The following GLB1L2 variants were observed in gnomAD, a reference collection of about 807,000 sequenced individuals.
GLB1L2 encodes beta-galactosidase-1-like protein 2.
GLB1L2 carries 68 observed loss-of-function variants against 84.1 expected under a neutral mutation model. The observed-to-expected ratio is 0.81, with a 90% CI of 0.67 to 0.99. The LOEUF is 0.99. GLB1L2 is among the 50% of genes least tolerant of loss of function. GLB1L2 has a pLI of 0.00. For synonymous variants in GLB1L2, 290 were observed against 318.0 expected (o/e 0.91, Z 0.94); for missense variants, 762 against 805.6 (o/e 0.95, Z 0.66).
At chr11:134,371,251 A>G (rs1240849229) in intron 13 of GLB1L2, 103 bp downstream of exon 13, 1 of 1,444,024 alleles carries the variant, frequency 6.9e-7, no homozygotes, top group South Asian at 1.2e-5. Context: ...GTGTGTGACA[A>G]TGGCCCTTCT....
At chr11:134,365,370 G>A (rs1382534991) in intron 8 of GLB1L2, among the ~76,000 whole-genome samples, 1 of 152,202 alleles carries the variant, frequency 6.6e-6, no homozygotes, top group African/African-American at 2.4e-5. Flanking sequence ...TTCCTTTCTT[G>A]GCATTTCCTG....
At chr11:134,343,490 C>T (rs73028701) in intron 2 of GLB1L2, among the ~76,000 whole-genome samples, 3,934 of 152,218 alleles carry the variant, frequency 0.026, 62 homozygotes, top group Non-Finnish European at 0.038. Flanking sequence ...CATGGGTTTT[C>T]CCCCCAAATT....
intron 1 of GLB1L2, among the ~76,000 whole-genome samples, chr11:134,340,516 C>G (rs905441605): frequency 6.6e-6 from 1 of 152,108 alleles, no homozygotes; most frequent in African/African-American, 2.4e-5. Flanking sequence ...TGCTTTGGAG[C>G]AGGTGTGGCC....
At chr11:134,348,601 G>C (rs1449685612) in intron 5 of GLB1L2, among the ~76,000 whole-genome samples, 2 of 152,158 alleles carry the variant, frequency 1.3e-5, no homozygotes, top group African/African-American at 2.4e-5. Flanking sequence ...CTATGGGATA[G>C]TATACATAAC....
chr11:134,371,521 G>C (rs758670793), intron 14 of GLB1L2, 29 bp downstream of exon 14: 1 of 1,316,940 alleles, frequency 7.6e-7, no homozygotes. Flanking sequence ...CTGGGTGATG[G>C]CTAGCCCCCG....
rs116530548 is a variant in GLB1L2, at chr11:134,363,092, C to T, written c.734-1236C>T. On this transcript the variant is annotated intron_variant, in intron 7 of 18. Coordinates refer to ENST00000535456, the MANE Select transcript of GLB1L2 (RefSeq NM_001370461.1). ...TGCATCCTGCGGACTTTGAGTTCAG[C>T]CTGCTCAGTTTCAGACTGGCCTCCT... Among the ~76,000 whole-genome samples the T allele has an allele frequency of 3.7e-3, 567 of 152,264 alleles. 3 individuals are homozygous for T. The highest frequency in any genetic ancestry group is 0.013 in the African/African-American group (526 of 41,550).
rs934049457 is a variant in GLB1L2, at chr11:134,356,474, T to C, written c.651+81T>C. On this transcript the variant is annotated intron_variant, in intron 6 of 18. Transcript: ENST00000535456. ...GCTGTGGTGTGACATGTGGGTCTAA[T>C]ATTTTTCTCATATTAATACATCCTC... The C allele has an allele frequency of 1.7e-5, 16 of 936,446 alleles. No homozygotes were observed. In the South Asian group the frequency reaches 2.0e-4, roughly 12 times the overall value. The allele number at this position is 936,446 out of a possible 1,614,324, so 58.0% of individuals were successfully genotyped here.
At chr11:134,372,902 CTGT>C (rs1943976164) in intron 15 of GLB1L2, among the ~76,000 whole-genome samples, 2 of 152,226 alleles carry the variant, frequency 1.3e-5, no homozygotes, top group Non-Finnish European at 2.9e-5. Context: ...GTCCTCACTT[CTGT>C]TGTTCTCCTG....
chr11:134,371,326 C>G lies in GLB1L2; in HGVS notation c.1357-95C>G. On this transcript the variant is annotated intron_variant, in intron 13 of 18. Coordinates refer to ENST00000535456, the MANE Select transcript of GLB1L2 (RefSeq NM_001370461.1). ...CTCTGCCCACTGGCCCCTCGTCTGC[C>G]TACAGGCACGCGTGCTGCCCTTCTT... The G allele has an allele frequency of 3.4e-6, 4 of 1,184,422 alleles. No homozygotes were observed. In the South Asian group the frequency reaches 3.7e-5, roughly 11 times the overall value. The allele number at this position is 1,184,422 out of a possible 1,614,324, so 73.4% of individuals were successfully genotyped here. A position where few individuals can be genotyped will look rare whatever the true frequency, so the allele number is the denominator to read the frequency against.
chr11:134,363,721 G>C lies in GLB1L2; in HGVS notation c.734-607G>C, dbSNP rs542290000. Among the ~76,000 whole-genome samples, 3 of 152,146 alleles carry C rather than the reference G, an allele frequency of 2.0e-5. No homozygotes were observed. The South Asian group carries it at 6.2e-4, about 32-fold the overall frequency. ...CCAAGGAAGGATCAGGCTCTGGTTC[G>C]TACAAAAGAACAAGGAACAGAGTGC... On this transcript the variant is annotated intron_variant, in intron 7 of 18. Coordinates refer to ENST00000535456, the MANE Select transcript of GLB1L2 (RefSeq NM_001370461.1).
intron 2 of GLB1L2, among the ~76,000 whole-genome samples, chr11:134,343,754 C>T (rs999121730): frequency 3.9e-5 from 6 of 152,194 alleles, no homozygotes; most frequent in Non-Finnish European, 7.3e-5. Context: ...GCAGCACCGA[C>T]GACACTTGCT....
At chr11:134,351,060 G>A (rs188950561) in intron 5 of GLB1L2, among the ~76,000 whole-genome samples, 44 of 152,284 alleles carry the variant, frequency 2.9e-4, no homozygotes, top group Admixed American at 1.4e-3. Flanking sequence ...TTCCAGTACC[G>A]TGTTGAATAG....
intron 8 of GLB1L2, 91 bp downstream of exon 8, chr11:134,364,489 G>A (rs140590685): frequency 1.4e-5 from 15 of 1,042,512 alleles, no homozygotes; most frequent in East Asian, 4.7e-5. Context: ...CTTCCCCAGC[G>A]CAGGGAGCTG....
chr11:134,373,187 A>T (rs1462211945), intron 15 of GLB1L2, among the ~76,000 whole-genome samples: 3 of 152,228 alleles, frequency 2.0e-5, no homozygotes, highest in Non-Finnish European at 4.4e-5. Context: ...TGAGACTGGC[A>T]GGGCTGGCCC....
chr11:134,346,933 G>T, intron 4 of GLB1L2: 1 of 203,134 alleles, frequency 4.9e-6, no homozygotes, highest in Non-Finnish European at 1.0e-5. Flanking sequence ...ACGCTAGAAG[G>T]TTGTGTCTCC....
At chr11:134,335,229 C>CTT (rs11403985) in intron 1 of GLB1L2, among the ~76,000 whole-genome samples, 2,975 of 148,826 alleles carry the variant, frequency 0.02, 85 homozygotes, top group African/African-American at 0.063. Context: ...ATGCAGGTCA[C>CTT]TTTTTTTTTT....
chr11:134,348,473 C>T (rs1442060058), intron 5 of GLB1L2, among the ~76,000 whole-genome samples: 1 of 152,116 alleles, frequency 6.6e-6, no homozygotes, highest in Non-Finnish European at 1.5e-5. Context: ...TGGGAGCAGG[C>T]TCAGAGGCAC....
intron 1 of GLB1L2, 52 bp downstream of exon 1, chr11:134,332,199 C>T: frequency 7.6e-7 from 1 of 1,308,542 alleles, no homozygotes; most frequent in Non-Finnish European, 1.1e-6. Context: ...CCCCAGCCCT[C>T]CGCACCTCGG....
intron 5 of GLB1L2, among the ~76,000 whole-genome samples, chr11:134,351,876 C>G (rs1943640102): frequency 6.6e-6 from 1 of 151,922 alleles, no homozygotes; most frequent in Non-Finnish European, 1.5e-5. Context: ...ACTTCTATAT[C>G]CAGCAAAACT....
Sources: allele counts gnomAD v4.1 joint callset (sites outside exome capture counted in the v4.1 genomes callset), GRCh38; gene constraint gnomAD v4.1.1; transcripts MANE v1.5; gene names NCBI Gene and HGNC (gene_info 2026-07-23, HGNC 2026-07-21).